NCKAP1: variants seen among roughly 807,000 people sequenced by gnomAD.
NCKAP1 encodes nck-associated protein 1.
Under a neutral mutation model 151.2 loss-of-function variants are expected in NCKAP1, and 21 were observed. The observed-to-expected ratio is 0.14, with a 90% confidence interval of 0.10 to 0.20. NCKAP1 has a LOEUF of 0.20. Among genes scored for constraint, NCKAP1 ranks in the 10% least tolerant of loss-of-function variants. The probability of loss-of-function intolerance (pLI) is 1.00; values close to 1 mark genes in which losing one functional copy is unlikely to be tolerated. For missense variants in NCKAP1, 933 were observed against 1,352.1 expected, an observed-to-expected ratio of 0.69 and a Z score of 4.86; for synonymous variants, 484 against 451.8, an observed-to-expected ratio of 1.07 and a Z score of -0.90.
intron 8 of NCKAP1, among the ~76,000 whole-genome samples, chr2:182,993,499 T>A (rs1021038951): frequency 2.6e-5 from 4 of 152,154 alleles, no homozygotes; most frequent in Non-Finnish European, 4.4e-5. Context: ...TTACAGAAAT[T>A]CTCATTCTGT....
chr2:182,956,391 A>G, intron 20 of NCKAP1, 71 bp downstream of exon 20: 1 of 1,526,884 alleles, frequency 6.5e-7, no homozygotes, highest in African/African-American at 1.4e-5. Flanking sequence ...TTTCCTTATA[A>G]AACACTGTAT....
Position 182,942,088 on chromosome 2 carries a change from G to A in NCKAP1, c.2677C>T (p.Leu893=). The A allele has an allele frequency of 6.2e-7, 1 of 1,612,614 alleles. No homozygotes were observed. Among genetic ancestry groups the A allele is most frequent in the Non-Finnish European group, 8.5e-7 (1 of 1,178,932 alleles). ...SFDKPDQMAA[L]FKRLSSVDSV... is the part of the protein sequence containing the mutation. The stretch of plus-strand genomic sequence containing the variant: ...TACCCACATGATAATCTTTTAAACA[G>A]TGCAGCCATCTGGTCTGGTTTGTCA... The change falls in exon 24 of 31, where the codon CTG becomes TTG. Residue 893 remains leucine (L), a synonymous_variant. Coordinates refer to ENST00000361354, the MANE Select transcript of NCKAP1 (RefSeq NM_013436.5).
At position 182,918,633 on chromosome 2, in the gene NCKAP1, T is replaced by C. The variant is rs1443432792; in HGVS notation, c.*7069A>G. On this transcript the variant is annotated 3_prime_UTR_variant, in exon 31 of 31. Coordinates refer to ENST00000361354, the MANE Select transcript of NCKAP1 (RefSeq NM_013436.5). ...TCACTTGTAAGTGGGAGCTAAGCTA[T>C]GTGTATGCAAAGGCATACAGAGTGA... 2 of 152,176 alleles carry C rather than the reference T, an allele frequency of 1.3e-5. No individual in the cohort carries two copies. Among genetic ancestry groups the C allele is most frequent in the Non-Finnish European group, 2.9e-5 (2 of 68,034 alleles). The allele number at this position is 152,176 out of a possible 1,614,324, so 9.4% of individuals were successfully genotyped here.
At chr2:182,974,185 T>C (rs549700627) in intron 15 of NCKAP1, among the ~76,000 whole-genome samples, 14 of 151,510 alleles carry the variant, frequency 9.2e-5, no homozygotes, top group Non-Finnish European at 1.5e-4. Context: ...GTTCTCTACT[T>C]CTAGTGAACA....
intron 18 of NCKAP1, among the ~76,000 whole-genome samples, chr2:182,958,562 A>G (rs892249776): frequency 4.6e-5 from 7 of 152,208 alleles, no homozygotes; most frequent in African/African-American, 1.7e-4. Flanking sequence ...GGGATATGAA[A>G]TAGGCAAGTG....
chr2:182,962,488 A>G (rs1284895570), intron 17 of NCKAP1, among the ~76,000 whole-genome samples: 3 of 152,182 alleles, frequency 2.0e-5, no homozygotes, highest in African/African-American at 7.2e-5. Flanking sequence ...TGATTGTGAA[A>G]GCAATGTATA....
chr2:182,995,971 A>C (rs1698260617), intron 6 of NCKAP1, 133 bp from the exon 7 acceptor site: 2 of 779,286 alleles, frequency 2.6e-6, no homozygotes, highest in Admixed American at 5.1e-5. Context: ...CATGCTCCTT[A>C]TAATATCTGA....
rs568592074 is a variant in NCKAP1, at chr2:182,970,994, T to C, written c.1483-3633A>G. Among the ~76,000 whole-genome samples, 5 of 151,232 alleles carry C rather than the reference T, an allele frequency of 3.3e-5. No homozygotes were observed. The South Asian group carries it at 1.0e-3, about 32-fold the overall frequency. On this transcript the variant is annotated intron_variant, in intron 15 of 30. Transcript: ENST00000361354. ...AGAAATCAAGAAATCTCATTTACAA[T>C]AACTACCAAAAAAAAAGCCTATGAA...
chr2:182,984,661 A>G (rs1245699727), intron 10 of NCKAP1, among the ~76,000 whole-genome samples: 1 of 151,464 alleles, frequency 6.6e-6, no homozygotes, highest in Non-Finnish European at 1.5e-5. Flanking sequence ...TGCCTGATAT[A>G]TAGTGCTTCT....
At chr2:182,984,451 T>TGTGTGTGTGTGTGTGTGTGTGTGTGTG (rs1188952902) in intron 10 of NCKAP1, among the ~76,000 whole-genome samples, 38 of 144,320 alleles carry the variant, frequency 2.6e-4, no homozygotes, top group Non-Finnish European at 3.7e-4. Context: ...TGTGTGTGTG[T>TGTGTGTGTGTGTGTGTGTGTGTGTGTG]TGCCTATGCC....
chr2:182,956,454 T>G lies in NCKAP1; in HGVS notation c.2153+8A>C. 2 of 1,608,504 alleles carry G rather than the reference T, an allele frequency of 1.2e-6. No homozygotes were observed. The highest frequency in any genetic ancestry group is 1.7e-4 in the Middle Eastern group (1 of 6,036). ...CAACAAACAAAAACAGTCAATATTCTTTCTTACTTGGTAAAGCGTATTTCC... is the reference window on the plus strand; with the variant it reads ...CAACAAACAAAAACAGTCAATATTCGTTCTTACTTGGTAAAGCGTATTTCC... On this transcript the variant is annotated splice_region_variant and intron_variant, in intron 20 of 30. Coordinates refer to ENST00000361354, the MANE Select transcript of NCKAP1 (RefSeq NM_013436.5).
intron 2 of NCKAP1, among the ~76,000 whole-genome samples, chr2:183,011,689 A>G (rs1278180054): frequency 6.6e-6 from 1 of 152,170 alleles, no homozygotes; most frequent in African/African-American, 2.4e-5. Context: ...ATTGTTTCCA[A>G]TTCGGGGCTA....
chr2:183,031,826 T>C (rs987698285), intron 1 of NCKAP1, among the ~76,000 whole-genome samples: 3 of 152,178 alleles, frequency 2.0e-5, no homozygotes, highest in Middle Eastern at 3.2e-3. Flanking sequence ...TAGCAAGGCT[T>C]AGAAAGCCAA....
intron 2 of NCKAP1, among the ~76,000 whole-genome samples, chr2:183,011,085 T>G (rs1302974397): frequency 6.6e-6 from 1 of 152,220 alleles, no homozygotes; most frequent in Non-Finnish European, 1.5e-5. Flanking sequence ...CCTGCTATAC[T>G]TAAGAGTTTT....
Position 182,910,958 on chromosome 2 carries a change from C to CCCCCT in NCKAP1, c.*14743_*14744insAGGGG, listed in dbSNP as rs59224919. 6.8e-6 allele frequency: 1 copy of CCCCCT among 147,886 alleles called. No homozygotes were observed. Among genetic ancestry groups the CCCCCT allele is most frequent in the African/African-American group, 2.5e-5 (1 of 40,374 alleles). 9.2% of individuals were successfully genotyped at this position (147,886 alleles called of 1,614,324 possible). A position where few individuals can be genotyped will look rare whatever the true frequency, so the allele number is the denominator to read the frequency against. On this transcript the variant is annotated 3_prime_UTR_variant, in exon 31 of 31. Transcript: ENST00000361354. ...AAAATAAAATCCTAAGCTCCCCCCC[C>CCCCCT]ACATTTGACTAAACAGACCCTCTCC...
chr2:183,020,486 A>AAAG (rs1698777205), intron 2 of NCKAP1, among the ~76,000 whole-genome samples: 1 of 151,546 alleles, frequency 6.6e-6, no homozygotes, highest in African/African-American at 2.4e-5. Flanking sequence ...AAAAAGAAAA[A>AAAG]AAAGAAAAAA....
chr2:182,948,167 C>T (rs1697145540), intron 23 of NCKAP1, among the ~76,000 whole-genome samples: 1 of 151,814 alleles, frequency 6.6e-6, no homozygotes, highest in Non-Finnish European at 1.5e-5. Flanking sequence ...TTAAATAAGT[C>T]AGGATTTAGT....
chr2:182,926,466 G>A (rs1252713656), intron 30 of NCKAP1, among the ~76,000 whole-genome samples: 6 of 152,112 alleles, frequency 3.9e-5, no homozygotes, highest in South Asian at 4.1e-4. Context: ...AGAAAATTAC[G>A]AGAAATGGGC....
chr2:183,002,439 C>A (rs1698391553), intron 4 of NCKAP1, among the ~76,000 whole-genome samples, 170 bp from the exon 5 acceptor site: 5 of 151,992 alleles, frequency 3.3e-5, no homozygotes, highest in Admixed American at 3.3e-4. Flanking sequence ...TTGACAGTTA[C>A]AGATAACAGT....
Sources: gnomAD v4.1 joint callset for allele counts (sites outside exome capture counted in the v4.1 genomes callset) on GRCh38, gnomAD v4.1.1 for gene constraint, MANE v1.5 for transcripts, NCBI Gene and HGNC (gene_info 2026-07-23, HGNC 2026-07-21) for gene names.